The following FAM168A variants were observed in gnomAD, a reference collection of about 807,000 sequenced individuals.
The protein encoded by FAM168A is protein FAM168A.
In FAM168A, 3 loss-of-function variants were observed where a neutral mutation model predicts 28.5. That is an observed-to-expected ratio of 0.11 (90% confidence interval 0.05 to 0.27). The LOEUF is 0.27. Among genes scored for constraint, FAM168A ranks in the 10% least tolerant of loss-of-function variants. FAM168A has a pLI of 1.00. For missense variants in FAM168A, 222 were observed against 311.5 expected (o/e 0.71, Z 2.16); for synonymous variants, 122 against 124.2 (o/e 0.98, Z 0.12).
intron 1 of FAM168A, among the ~76,000 whole-genome samples, chr11:73,513,660 G>A (rs1855273168): frequency 1.3e-5 from 2 of 152,082 alleles, no homozygotes. Context: ...GAGGACGACG[G>A]CCCTCCAGAG....
At chr11:73,549,633 C>G (rs963417709) in intron 1 of FAM168A, among the ~76,000 whole-genome samples, 5 of 152,194 alleles carry the variant, frequency 3.3e-5, no homozygotes, top group Non-Finnish European at 7.3e-5. Context: ...CCAGCACCAA[C>G]CTTTAGTAAA....
intron 2 of FAM168A, among the ~76,000 whole-genome samples, chr11:73,441,062 C>CT (rs368552302): frequency 0.25 from 36,235 of 143,052 alleles, 5,088 homozygotes; most frequent in African/African-American, 0.38. Flanking sequence ...ATCAGACAGA[C>CT]TTTTTTTTTT....
intron 1 of FAM168A, among the ~76,000 whole-genome samples, chr11:73,513,666 CAG>C (rs1235687734): frequency 8.5e-5 from 13 of 152,254 alleles, no homozygotes; most frequent in African/African-American, 2.9e-4. Flanking sequence ...GACGGCCCTC[CAG>C]AGTCACCTGA....
intron 1 of FAM168A, among the ~76,000 whole-genome samples, chr11:73,500,763 T>G (rs1854994695): frequency 6.6e-6 from 1 of 152,052 alleles, no homozygotes; most frequent in South Asian, 2.1e-4. Context: ...AATGACACTA[T>G]GAAGAAACTG....
intron 1 of FAM168A, among the ~76,000 whole-genome samples, chr11:73,557,951 T>C (rs908317179): frequency 6.6e-6 from 1 of 152,140 alleles, no homozygotes; most frequent in African/African-American, 2.4e-5. Context: ...CAAATGGTGC[T>C]TGGACAACTG....
chr11:73,505,494 TTTG>T (rs551974929), intron 1 of FAM168A, among the ~76,000 whole-genome samples: 241 of 152,310 alleles, frequency 1.6e-3, no homozygotes, highest in African/African-American at 5.6e-3. Flanking sequence ...ATCATTTTAT[TTTG>T]TTGTTATTAT....
chr11:73,456,775 G>A (rs897574060), intron 2 of FAM168A, among the ~76,000 whole-genome samples: 2 of 152,248 alleles, frequency 1.3e-5, no homozygotes, highest in African/African-American at 4.8e-5. Flanking sequence ...CTTGCAGTAT[G>A]CAGAGGGAGA....
intron 1 of FAM168A, among the ~76,000 whole-genome samples, chr11:73,526,130 A>C (rs921435602): frequency 2.0e-5 from 3 of 152,230 alleles, no homozygotes; most frequent in African/African-American, 7.2e-5. Flanking sequence ...AAAAGAATTA[A>C]TACTCTTAAC....
chr11:73,474,991 TGA>T (rs1033169550), intron 1 of FAM168A, among the ~76,000 whole-genome samples: 8 of 152,122 alleles, frequency 5.3e-5, no homozygotes, highest in Non-Finnish European at 1.0e-4. Context: ...GCATGACATG[TGA>T]GAGAGAAAAG....
chr11:73,458,812 A>G (rs1687575222), intron 2 of FAM168A, among the ~76,000 whole-genome samples: 1 of 152,026 alleles, frequency 6.6e-6, no homozygotes, highest in South Asian at 2.1e-4. Flanking sequence ...GGGTTTCACT[A>G]TGTTGGCCAG....
intron 1 of FAM168A, among the ~76,000 whole-genome samples, chr11:73,577,697 T>C (rs995900611): frequency 2.6e-5 from 4 of 152,208 alleles, no homozygotes; most frequent in African/African-American, 4.8e-5. Context: ...CAAGGCAGAA[T>C]AGGAACTAAA....
intron 1 of FAM168A, among the ~76,000 whole-genome samples, chr11:73,511,052 C>G (rs1275172663): frequency 3.3e-5 from 5 of 152,006 alleles, no homozygotes; most frequent in Admixed American, 3.3e-4. Flanking sequence ...AAAGGAACCT[C>G]GTGGCCCAGA....
At chr11:73,433,586 T>C (rs1353650777) in intron 2 of FAM168A, among the ~76,000 whole-genome samples, 8 of 152,184 alleles carry the variant, frequency 5.3e-5, no homozygotes, top group East Asian at 1.9e-4. Context: ...GTATACATAG[T>C]TATATATTCT....
chr11:73,571,770 G>T (rs1415897803), intron 1 of FAM168A, among the ~76,000 whole-genome samples: 1 of 150,982 alleles, frequency 6.6e-6, no homozygotes, highest in African/African-American at 2.4e-5. Context: ...GAGCATCTCT[G>T]CCCGGCCGCC....
At chr11:73,512,024 A>G (rs1192820337) in intron 1 of FAM168A, among the ~76,000 whole-genome samples, 1 of 152,196 alleles carries the variant, frequency 6.6e-6, no homozygotes. Context: ...CAGGGGAAGT[A>G]TTTTAATCCA....
intron 1 of FAM168A, among the ~76,000 whole-genome samples, chr11:73,512,126 G>A (rs1855238960): frequency 6.6e-6 from 1 of 152,020 alleles, no homozygotes; most frequent in Non-Finnish European, 1.5e-5. Flanking sequence ...TCCTATGCTA[G>A]GTACTATATA....
intron 1 of FAM168A, among the ~76,000 whole-genome samples, chr11:73,567,672 G>A (rs1380782467): frequency 6.6e-6 from 1 of 152,044 alleles, no homozygotes; most frequent in African/African-American, 2.4e-5. Flanking sequence ...GATATGTCTT[G>A]TTTCTAAAGA....
At chr11:73,516,099 TTA>T (rs943344097) in intron 1 of FAM168A, among the ~76,000 whole-genome samples, 109 of 121,448 alleles carry the variant, frequency 9.0e-4, no homozygotes, top group African/African-American at 1.2e-3. Context: ...GACTCTGCCT[TTA>T]AAAAAAAAAA....
intron 1 of FAM168A, among the ~76,000 whole-genome samples, chr11:73,585,340 A>T (rs1944299474): frequency 6.6e-6 from 1 of 152,200 alleles, no homozygotes; most frequent in Admixed American, 6.5e-5. Context: ...ACTACATAGG[A>T]ATTATGTACT....
Sources: allele counts gnomAD v4.1 joint callset (sites outside exome capture counted in the v4.1 genomes callset), GRCh38; gene constraint gnomAD v4.1.1; transcripts MANE v1.5; gene names NCBI Gene and HGNC (gene_info 2026-07-23, HGNC 2026-07-21).